The following ZNF578 variants were observed in gnomAD, a reference collection of about 807,000 sequenced individuals.
The protein encoded by ZNF578 is zinc finger protein 578, also known as Putative chemokine-related protein B42.
In ZNF578, 8 loss-of-function variants were observed where a neutral mutation model predicts 8.3. That is an observed-to-expected ratio of 0.96 (90% CI 0.56 to 1.74). The LOEUF (loss-of-function observed/expected upper bound fraction) is 1.74, where lower values mean the gene tolerates loss of function less well. Ranked by LOEUF, ZNF578 falls within the 40% of genes most tolerant of loss-of-function variation. ZNF578 has a pLI of 0.00. For missense variants in ZNF578, 726 were observed against 707.5 expected, an observed-to-expected ratio of 1.03 and a Z score of -0.30; for synonymous variants, 206 against 232.2, an observed-to-expected ratio of 0.89 and a Z score of 1.03.
chr19:52,485,092 C>T (rs1458649835), intron 2 of ZNF578, among the ~76,000 whole-genome samples: 1 of 151,946 alleles, frequency 6.6e-6, no homozygotes, highest in Non-Finnish European at 1.5e-5. Flanking sequence ...TAAGCAGTTC[C>T]TAGCTTGACT....
intron 3 of ZNF578, among the ~76,000 whole-genome samples, chr19:52,491,650 G>A (rs573109667): frequency 6.6e-6 from 1 of 152,140 alleles, no homozygotes; most frequent in African/African-American, 2.4e-5. Context: ...AGTAGGCAGA[G>A]GCTGCAGTGA....
intron 2 of ZNF578, among the ~76,000 whole-genome samples, chr19:52,481,605 C>A (rs1355535367): frequency 1.3e-5 from 2 of 152,058 alleles, no homozygotes; most frequent in Non-Finnish European, 2.9e-5. Flanking sequence ...ACTTGTAATC[C>A]CTATTCAGCC....
At chr19:52,508,231 G>C (rs1371658226) in intron 5 of ZNF578, among the ~76,000 whole-genome samples, 2 of 151,894 alleles carry the variant, frequency 1.3e-5, no homozygotes, top group Non-Finnish European at 2.9e-5. Flanking sequence ...TATAGTCCCA[G>C]CTACTTGGGA....
At chr19:52,507,949 T>A (rs916694427) in intron 5 of ZNF578, among the ~76,000 whole-genome samples, 1 of 152,078 alleles carries the variant, frequency 6.6e-6, no homozygotes, top group Non-Finnish European at 1.5e-5. Context: ...CTCGGGTGGC[T>A]GAGACAGGAG....
chr19:52,500,458 G>A (rs538108503), intron 3 of ZNF578, among the ~76,000 whole-genome samples: 1 of 150,696 alleles, frequency 6.6e-6, no homozygotes, highest in Non-Finnish European at 1.5e-5. Flanking sequence ...CCAGGCTGGA[G>A]TGCAGTGGCA....
intron 2 of ZNF578, among the ~76,000 whole-genome samples, chr19:52,486,368 T>TC (rs2059345768): frequency 6.6e-6 from 1 of 152,186 alleles, no homozygotes; most frequent in African/African-American, 2.4e-5. Flanking sequence ...TCGTGGGTCC[T>TC]CCGTATGCTG....
At chr19:52,480,471 G>A (rs1213071711) in intron 2 of ZNF578, among the ~76,000 whole-genome samples, 4 of 152,074 alleles carry the variant, frequency 2.6e-5, no homozygotes, top group Non-Finnish European at 4.4e-5. Flanking sequence ...TCTTCCAGCT[G>A]TAAAGGATGA....
chr19:52,503,799 G>GTTTTT (rs2059415656), intron 4 of ZNF578, among the ~76,000 whole-genome samples: 1 of 121,920 alleles, frequency 8.2e-6, no homozygotes, highest in African/African-American at 2.9e-5. Context: ...CCCTGTGTTT[G>GTTTTT]CTTTTTTTTT....
chr19:52,489,256 A>G (rs562236177), intron 2 of ZNF578, among the ~76,000 whole-genome samples: 1 of 152,086 alleles, frequency 6.6e-6, no homozygotes. Context: ...CAAAAAACAA[A>G]AAAAGAAATA....
At chr19:52,479,828 G>T (rs995295712) in intron 2 of ZNF578, among the ~76,000 whole-genome samples, 1 of 152,168 alleles carries the variant, frequency 6.6e-6, no homozygotes, top group African/African-American at 2.4e-5. Context: ...ATTTTTTCCA[G>T]ATAAAGCTCA....
intron 3 of ZNF578, among the ~76,000 whole-genome samples, chr19:52,496,325 G>GTTAGTTATTTATTTAT (rs1555755436): frequency 6.8e-6 from 1 of 146,102 alleles, no homozygotes; most frequent in African/African-American, 2.5e-5. Context: ...CTCATTTGTT[G>GTTAGTTATTTATTTAT]TTATTTATTT....
At chr19:52,500,583 A>T (rs1267374834) in intron 3 of ZNF578, among the ~76,000 whole-genome samples, 1 of 151,946 alleles carries the variant, frequency 6.6e-6, no homozygotes, top group South Asian at 2.1e-4. Flanking sequence ...TCTTTTCACC[A>T]TGTTGGCTGG....
chr19:52,499,061 C>A (rs1180203863), intron 3 of ZNF578, among the ~76,000 whole-genome samples: 1 of 152,082 alleles, frequency 6.6e-6, no homozygotes, highest in Admixed American at 6.6e-5. Context: ...ATCAGCCACA[C>A]CTCCTTCCTC....
intron 3 of ZNF578, among the ~76,000 whole-genome samples, chr19:52,496,264 C>T (rs2059385893): frequency 6.6e-6 from 1 of 152,078 alleles, no homozygotes; most frequent in Non-Finnish European, 1.5e-5. Context: ...GATCCACCCT[C>T]GTCGGCCTCC....
At chr19:52,497,849 T>C (rs2059392330) in intron 3 of ZNF578, among the ~76,000 whole-genome samples, 1 of 152,198 alleles carries the variant, frequency 6.6e-6, no homozygotes, top group Admixed American at 6.5e-5. Flanking sequence ...AGCTTCTAAG[T>C]AAGTGTCCCC....
intron 2 of ZNF578, among the ~76,000 whole-genome samples, chr19:52,482,070 G>A (rs1384176664): frequency 4.0e-5 from 6 of 151,320 alleles, no homozygotes; most frequent in Non-Finnish European, 7.4e-5. Flanking sequence ...TTTTGCTCTT[G>A]TTGTCCAGGC....
chr19:52,497,709 T>G (rs541141538), intron 3 of ZNF578, among the ~76,000 whole-genome samples: 3 of 152,252 alleles, frequency 2.0e-5, no homozygotes, highest in Non-Finnish European at 2.9e-5. Context: ...ATATATGATG[T>G]TAGGTTGTTT....
chr19:52,461,984 G>A (rs1398476448), intron 2 of ZNF578, among the ~76,000 whole-genome samples: 1 of 152,128 alleles, frequency 6.6e-6, no homozygotes, highest in Non-Finnish European at 1.5e-5. Flanking sequence ...TCCTGTTTTA[G>A]TTTTGTCTTT....
intron 2 of ZNF578, among the ~76,000 whole-genome samples, chr19:52,465,048 A>T (rs1393519459): frequency 6.6e-6 from 1 of 152,180 alleles, no homozygotes; most frequent in African/African-American, 2.4e-5. Flanking sequence ...TTAATTACAA[A>T]TATTGGGGAA....
Sources: gnomAD v4.1 joint callset for allele counts (sites outside exome capture counted in the v4.1 genomes callset) on GRCh38, gnomAD v4.1.1 for gene constraint, MANE v1.5 for transcripts, NCBI Gene and HGNC (gene_info 2026-07-23, HGNC 2026-07-21) for gene names.